CDH12: variants seen among roughly 807,000 people sequenced by gnomAD.
The protein encoded by CDH12 is cadherin-12.
A neutral mutation model predicts 74.1 loss-of-function variants in CDH12; 41 were observed. That is an observed-to-expected ratio of 0.55 (90% CI 0.43 to 0.72). The LOEUF is 0.72. Among genes scored for constraint, CDH12 ranks in the 30% least tolerant of loss-of-function variants. CDH12 has a pLI of 0.00. For synonymous variants in CDH12, 399 were observed against 355.0 expected (o/e 1.12, Z -1.39); for missense variants, 945 against 977.2 (o/e 0.97, Z 0.44).
At chr5:21,898,608 A>C (rs1417062376) in intron 6 of CDH12, among the ~76,000 whole-genome samples, 1 of 152,064 alleles carries the variant, frequency 6.6e-6, no homozygotes, top group Non-Finnish European at 1.5e-5. Context: ...AGGCTGAGGC[A>C]GGAGAATGGC....
intron 1 of CDH12, among the ~76,000 whole-genome samples, chr5:22,716,210 A>G (rs552444276): frequency 6.6e-6 from 1 of 152,280 alleles, no homozygotes; most frequent in South Asian, 2.1e-4. Flanking sequence ...GACTAGAAGT[A>G]AACCCAAAAT....
chr5:22,172,956 C>T (rs973796088), intron 4 of CDH12, among the ~76,000 whole-genome samples: 1 of 151,538 alleles, frequency 6.6e-6, no homozygotes, highest in Non-Finnish European at 1.5e-5. Context: ...CAAATACAGA[C>T]ATTACCCAAG....
chr5:21,960,921 A>G (rs1756331094), intron 6 of CDH12, among the ~76,000 whole-genome samples: 2 of 152,156 alleles, frequency 1.3e-5, no homozygotes, highest in Admixed American at 1.3e-4. Flanking sequence ...ATAATTTTTA[A>G]TCTTTTGCAA....
intron 6 of CDH12, among the ~76,000 whole-genome samples, chr5:21,898,709 A>C (rs1018392192): frequency 6.6e-6 from 1 of 151,892 alleles, no homozygotes; most frequent in Non-Finnish European, 1.5e-5. Context: ...TCAAAAAAAT[A>C]AGTAAATAAA....
intron 1 of CDH12, among the ~76,000 whole-genome samples, chr5:22,724,582 A>C: frequency 6.6e-6 from 1 of 151,924 alleles, no homozygotes; most frequent in Non-Finnish European, 1.5e-5. Context: ...TTTATGGCTG[A>C]GTAGTATTCC....
chr5:22,795,813 G>C (rs1462986880), intron 1 of CDH12, among the ~76,000 whole-genome samples: 2 of 151,800 alleles, frequency 1.3e-5, no homozygotes, highest in Non-Finnish European at 2.9e-5. Flanking sequence ...ACCAAAATTG[G>C]TATCAAAATA....
At chr5:22,607,248 CA>C (rs1737164883) in intron 1 of CDH12, among the ~76,000 whole-genome samples, 1 of 152,102 alleles carries the variant, frequency 6.6e-6, no homozygotes, top group Non-Finnish European at 1.5e-5. Flanking sequence ...TGTTAATCAC[CA>C]AAACAATGAG....
chr5:21,832,639 C>CA (rs1441232845), intron 8 of CDH12, among the ~76,000 whole-genome samples: 5 of 150,134 alleles, frequency 3.3e-5, no homozygotes, highest in African/African-American at 1.2e-4. Context: ...TGTAGGAATA[C>CA]AATTTTGCAT....
intron 4 of CDH12, among the ~76,000 whole-genome samples, chr5:22,113,792 T>G (rs1167693023): frequency 2.6e-5 from 4 of 152,166 alleles, no homozygotes; most frequent in Non-Finnish European, 5.9e-5. Context: ...GAATAATTTC[T>G]TATTCTCTCT....
At chr5:21,764,321 CAG>C (rs1744888410) in intron 12 of CDH12, among the ~76,000 whole-genome samples, 1 of 151,878 alleles carries the variant, frequency 6.6e-6, no homozygotes, top group Non-Finnish European at 1.5e-5. Flanking sequence ...TTGCAGTGAG[CAG>C]AGATCAGGCC....
At chr5:22,495,871 GA>G (rs1007188267) in intron 2 of CDH12, among the ~76,000 whole-genome samples, 1 of 152,168 alleles carries the variant, frequency 6.6e-6, no homozygotes, top group African/African-American at 2.4e-5. Flanking sequence ...AAACACAGAA[GA>G]GGGGGAACAT....
chr5:22,706,894 C>A (rs570585011), intron 1 of CDH12, among the ~76,000 whole-genome samples: 18 of 152,230 alleles, frequency 1.2e-4, no homozygotes, highest in Admixed American at 2.6e-4. Flanking sequence ...GGGGGAAAAT[C>A]TCATTGTAAT....
intron 11 of CDH12, among the ~76,000 whole-genome samples, chr5:21,765,445 T>A (rs747722325): frequency 5.3e-5 from 8 of 151,274 alleles, no homozygotes; most frequent in Non-Finnish European, 8.8e-5. Context: ...TGTACCCACA[T>A]AATGAAAACG....
chr5:22,225,020 A>G (rs1412973738), intron 3 of CDH12, among the ~76,000 whole-genome samples: 1 of 152,002 alleles, frequency 6.6e-6, no homozygotes, highest in Non-Finnish European at 1.5e-5. Context: ...ATTGATTTAT[A>G]TTTATTTTTT....
chr5:22,225,454 T>A (rs72742028), intron 3 of CDH12, among the ~76,000 whole-genome samples: 8 of 151,984 alleles, frequency 5.3e-5, no homozygotes, highest in Admixed American at 1.3e-4. Flanking sequence ...TGAAATGACA[T>A]TAAAAATCAC....
chr5:22,752,946 T>C (rs1342660205), intron 1 of CDH12, among the ~76,000 whole-genome samples: 1 of 151,812 alleles, frequency 6.6e-6, no homozygotes, highest in Non-Finnish European at 1.5e-5. Context: ...AACAGCTAAA[T>C]GCATGAGGGT....
chr5:22,528,919 A>G (rs13178331), intron 1 of CDH12, among the ~76,000 whole-genome samples: 2,068 of 151,786 alleles, frequency 0.014, 26 homozygotes, highest in South Asian at 0.026. Context: ...GAACCAATTC[A>G]GAAAACTCAT....
At chr5:22,492,564 C>A (rs961772233) in intron 2 of CDH12, among the ~76,000 whole-genome samples, 3 of 152,016 alleles carry the variant, frequency 2.0e-5, no homozygotes, top group Admixed American at 6.6e-5. Flanking sequence ...TCAGGCTGGT[C>A]GCAAACTCCT....
chr5:22,498,225 C>T (rs543289115), intron 2 of CDH12, among the ~76,000 whole-genome samples: 1 of 152,198 alleles, frequency 6.6e-6, no homozygotes, highest in South Asian at 2.1e-4. Flanking sequence ...TGGCACTCTT[C>T]CCAGCTAATT....
Sources: allele counts gnomAD v4.1 joint callset (sites outside exome capture counted in the v4.1 genomes callset), GRCh38; gene constraint gnomAD v4.1.1; transcripts MANE v1.5; gene names NCBI Gene and HGNC (gene_info 2026-07-23, HGNC 2026-07-21).